The following CCDC40 variants were observed in gnomAD, a reference collection of about 807,000 sequenced individuals.
CCDC40 encodes coiled-coil domain 40 molecular ruler complex subunit, also known as coiled-coil domain-containing protein 40.
Under a neutral mutation model 124.5 loss-of-function variants are expected in CCDC40, and 104 were observed. That is an observed-to-expected ratio of 0.84 (90% confidence interval 0.71 to 0.98). The LOEUF is 0.98. CCDC40 is among the 50% of genes least tolerant of loss of function. The pLI is 0.00. For missense variants in CCDC40, 1,463 were observed against 1,503.9 expected (o/e 0.97, Z 0.45); for synonymous variants, 580 against 602.9 (o/e 0.96, Z 0.56).
Position 80,066,470 on chromosome 17 carries a change from AT to A in CCDC40, c.1562+867del, listed in dbSNP as rs2038049461. 1 of 337,636 alleles carries A rather than the reference AT, an allele frequency of 3.0e-6. No homozygotes were observed. The highest frequency in any genetic ancestry group is 5.5e-6 in the Non-Finnish European group (1 of 183,346). 20.9% of individuals were successfully genotyped at this position (337,636 alleles called of 1,614,324 possible). A position where few individuals can be genotyped will look rare whatever the true frequency, so the allele number is the denominator to read the frequency against. On this transcript the variant is annotated intron_variant, in intron 10 of 19. Transcript: ENST00000397545. This position sits in a 1 kb window ranked among gnomAD's most constrained non-coding sequence, Gnocchi z 4.4. The stretch of plus-strand genomic sequence containing the variant: ...GAATAATATTGGATTAACCATACTC[AT>A]TTCTGGCCAGGCGCAGTGGCTCGCA...
intron 3 of CCDC40, among the ~76,000 whole-genome samples, chr17:80,044,961 G>C (rs1189835093): frequency 3.9e-5 from 6 of 152,152 alleles, no homozygotes; most frequent in African/African-American, 1.4e-4. Flanking sequence ...AGTGGAGCTT[G>C]TGTCCAGTTG....
Position 80,037,688 on chromosome 17 carries a change from A to AAAAAAT in CCDC40, c.30-434_30-433insAAAATA. ...AGCTTGAATCTTTAATTTTTTAAAA[A>AAAAAAT]AGATATACATATATATATATATATA... On this transcript the variant is annotated intron_variant, in intron 1 of 19. Transcript: ENST00000397545. Among the ~76,000 whole-genome samples the AAAAAAT allele has an allele frequency of 7.9e-4, 36 of 45,710 alleles. 3 individuals carry two copies. Among genetic ancestry groups the AAAAAAT allele is most frequent in the African/African-American group, 2.1e-3 (35 of 16,976 alleles). The allele number at this position is 45,710 out of a possible 152,430, so 30.0% of individuals were successfully genotyped here.
intron 18 of CCDC40, among the ~76,000 whole-genome samples, chr17:80,096,915 G>A (rs1468159572): frequency 2.6e-5 from 4 of 152,076 alleles, no homozygotes; most frequent in East Asian, 1.9e-4. Context: ...CCTGCCTCTC[G>A]GCCCTTACAG....
chr17:80,079,057 C>G (rs1251357213), intron 10 of CCDC40, among the ~76,000 whole-genome samples: 1 of 151,696 alleles, frequency 6.6e-6, no homozygotes, highest in Non-Finnish European at 1.5e-5. Flanking sequence ...CCTCAGTGTA[C>G]CAAGTAGCTG....
intron 9 of CCDC40, among the ~76,000 whole-genome samples, chr17:80,065,083 ATCTCCTCCCCCTCCCTCTCCCCCTCC>A (rs2038004480): frequency 1.5e-4 from 2 of 13,714 alleles, no homozygotes; most frequent in Non-Finnish European, 2.5e-4. Context: ...TCCCTCTTTC[ATCTCCTCCCCCTCCCTCTCCCCCTCC>A]TCCCTCTTTC....
Position 80,081,986 on chromosome 17 carries a change from C to G in CCDC40, c.1917C>G (p.His639Gln). Residue 639 changes from histidine to glutamine, a missense_variant, in exon 12 of 20, where the codon CAC becomes CAG. Transcript: ENST00000397545. ...DAAIREKLQEHMTSNKTTKYF... is the reference protein window; with the variant it reads ...DAAIREKLQEQMTSNKTTKYF... ...CCATCCGGGAGAAGCTGCAGGAGCA[C>G]ATGACCTCCAACAAGACCACCAAAT... 1 of 1,613,746 alleles carries G rather than the reference C, an allele frequency of 6.2e-7. No individual in the cohort carries two copies. The highest frequency in any genetic ancestry group is 2.2e-5 in the East Asian group (1 of 44,752).
At chr17:80,052,387 T>C (rs1219729742) in intron 7 of CCDC40, among the ~76,000 whole-genome samples, 1 of 152,120 alleles carries the variant, frequency 6.6e-6, no homozygotes, top group East Asian at 1.9e-4. Context: ...TTTTCACATT[T>C]TTCTGCCTGC....
At chr17:80,062,377 A>G (rs140811070) in intron 9 of CCDC40, among the ~76,000 whole-genome samples, 147 of 152,158 alleles carry the variant, frequency 9.7e-4, no homozygotes, top group African/African-American at 3.3e-3. Context: ...ATATGTATAC[A>G]TGTGCCATGC....
At position 80,048,005 on chromosome 17, in the gene CCDC40, T is replaced by C. The variant is rs187582635; in HGVS notation, c.677-578T>C. Among the ~76,000 whole-genome samples, 317 of 152,276 alleles carry C rather than the reference T, an allele frequency of 2.1e-3. 1 individual carries two copies. The highest frequency in any genetic ancestry group is 7.3e-3 in the African/African-American group (305 of 41,560). ...AAAAAAACAAGCCGGGCGCGGTGGC[T>C]CACGCCTGGAATCCCAGCCAAGGCC... On this transcript the variant is annotated intron_variant, in intron 4 of 19. Coordinates refer to ENST00000397545, the MANE Select transcript of CCDC40 (RefSeq NM_017950.4).
At chr17:80,092,489 G>A (rs1006478443) in intron 17 of CCDC40, among the ~76,000 whole-genome samples, 1 of 152,290 alleles carries the variant, frequency 6.6e-6, no homozygotes, top group Non-Finnish European at 1.5e-5. Flanking sequence ...CATGCCTGTC[G>A]TTTTGGCTTT....
At chr17:80,069,258 CGTGG>C (rs1568695280) in intron 10 of CCDC40, among the ~76,000 whole-genome samples, 4 of 151,968 alleles carry the variant, frequency 2.6e-5, no homozygotes, top group African/African-American at 9.7e-5. Context: ...GTTGCTGCTG[CGTGG>C]GGGGGGCGGT....
intron 10 of CCDC40, among the ~76,000 whole-genome samples, chr17:80,073,790 G>A (rs1327590227): frequency 6.6e-6 from 1 of 152,076 alleles, no homozygotes; most frequent in South Asian, 2.1e-4. Flanking sequence ...CTACCTCCCG[G>A]GTTCAAGCGA....
Position 80,058,572 on chromosome 17 carries a change from A to G in CCDC40, c.1238A>G (p.Asp413Gly). The G allele has an allele frequency of 6.2e-7, 1 of 1,614,178 alleles. No homozygotes were observed. The highest frequency in any genetic ancestry group is 1.1e-5 in the South Asian group (1 of 91,086). ...CAGAACATCGACCAGGACATGCGTG[A>G]CGACATCCGCGTGATGACACAAGTG... The part of the protein sequence containing the change: ...YMQNIDQDMR[D>G]DIRVMTQVVK... The change falls in exon 8 of 20, where the codon GAC becomes GGC. Residue 413 changes from aspartate (D) to glycine (G), a missense_variant. Physicochemically the swap from Asp to Gly is moderately conservative, Grantham distance 94. Coordinates refer to ENST00000397545, the MANE Select transcript of CCDC40 (RefSeq NM_017950.4). This position sits in a 1 kb window ranked among gnomAD's most constrained non-coding sequence, Gnocchi z 4.2.
intron 2 of CCDC40, among the ~76,000 whole-genome samples, chr17:80,038,877 C>A (rs2037199475): frequency 6.6e-6 from 1 of 152,128 alleles, no homozygotes; most frequent in Non-Finnish European, 1.5e-5. Context: ...AGAATTAGGA[C>A]TTGGTCAAGT....
chr17:80,036,936 C>G (rs955520403), intron 1 of CCDC40, among the ~76,000 whole-genome samples: 4 of 152,178 alleles, frequency 2.6e-5, no homozygotes, highest in Non-Finnish European at 4.4e-5. Context: ...CGGCCTCCCT[C>G]TTTCCCCTAC....
intron 13 of CCDC40, among the ~76,000 whole-genome samples, chr17:80,085,663 T>G (rs1347636930): frequency 7.6e-6 from 1 of 132,196 alleles, no homozygotes; most frequent in Non-Finnish European, 1.6e-5. Flanking sequence ...AAGGCTAATT[T>G]TGCTTTTTTT....
chr17:80,086,213 G>A lies in CCDC40; in HGVS notation c.2446G>A (p.Glu816Lys). ...CATGGAGCAGAAGAAACTACGAGTA[G>A]AAAGTAAGAGCCGCCGTGCCCGGCC... ...HIMEQKKLRV[E>K]SKIEQEKKEQ... Residue 816 changes from glutamate to lysine, a missense_variant, in exon 14 of 20, where the codon GAA becomes AAA. Physicochemically the swap from Glu to Lys is moderately conservative, Grantham distance 56. Coordinates refer to ENST00000397545, the MANE Select transcript of CCDC40 (RefSeq NM_017950.4). This position sits in a 1 kb window ranked among gnomAD's most constrained non-coding sequence, Gnocchi z 5.5. 4 of 1,600,248 alleles carry A rather than the reference G, an allele frequency of 2.5e-6. No homozygotes were observed. The East Asian group carries it at 9.0e-5, about 36-fold the overall frequency.
At chr17:80,056,466 A>T (rs2037751835) in intron 7 of CCDC40, among the ~76,000 whole-genome samples, 2 of 151,986 alleles carry the variant, frequency 1.3e-5, no homozygotes, top group South Asian at 4.1e-4. Context: ...CAAAAAATAC[A>T]AAAATGAGAA....
rs1363761637 is a variant in CCDC40, at chr17:80,040,810, T to C, written c.552+540T>C. 4.5e-4 allele frequency among the ~76,000 whole-genome samples: 69 copies of C among 152,114 alleles called. 1 individual carries two copies. Among genetic ancestry groups the C allele is most frequent in the Admixed American group, 4.5e-3 (69 of 15,274 alleles). On this transcript the variant is annotated intron_variant, in intron 3 of 19. Transcript: ENST00000397545. The stretch of plus-strand genomic sequence containing the variant: ...AGGCTGGGGGCCTCCATAGCCGCCA[T>C]CCACGTAAGGGCATCCAAGTTCCCA...
Sources: allele counts gnomAD v4.1 joint callset (sites outside exome capture counted in the v4.1 genomes callset), GRCh38; gene constraint gnomAD v4.1.1; non-coding constraint Gnocchi (gnomAD v3.1); transcripts MANE v1.5; gene names NCBI Gene and HGNC (gene_info 2026-07-23, HGNC 2026-07-21).